ANKRD60: variants seen among roughly 807,000 people sequenced by gnomAD.
The protein encoded by ANKRD60 is ankyrin repeat domain-containing protein 60.
ANKRD60 carries 24 observed loss-of-function variants against 21.3 expected under a neutral mutation model. The observed-to-expected ratio is 1.13, with a 90% CI of 0.82 to 1.59. The LOEUF (loss-of-function observed/expected upper bound fraction) is 1.59, where lower values mean the gene tolerates loss of function less well. ANKRD60 is among the 40% of genes most tolerant of loss of function. ANKRD60 has a pLI of 0.00. For missense variants in ANKRD60, 490 were observed against 466.7 expected, an observed-to-expected ratio of 1.05 and a Z score of -0.46; for synonymous variants, 182 against 199.4, an observed-to-expected ratio of 0.91 and a Z score of 0.74.
chr20:58,219,294 C>T lies in ANKRD60; in HGVS notation c.728-489G>A, dbSNP rs6128292. Among the ~76,000 whole-genome samples, 1,698 of 152,324 alleles carry T rather than the reference C, an allele frequency of 0.011. 129 individuals carry two copies. The East Asian group carries it at 0.21, about 19-fold the overall frequency. ...GGGAAAATCTTCCTTAGTTCTCCCA[C>T]CCCATGAAACCTCCTGTGTAAGCTC... On this transcript the variant is annotated intron_variant, in intron 3 of 3. Coordinates refer to ENST00000457363, the Ensembl canonical transcript of ANKRD60.
chr20:58,223,753 CT>C (rs1984310041), intron 1 of ANKRD60, among the ~76,000 whole-genome samples: 1 of 152,176 alleles, frequency 6.6e-6, no homozygotes, highest in African/African-American at 2.4e-5. Flanking sequence ...GTGTTCACAG[CT>C]TCCCGGCCTC....
Position 58,228,121 on chromosome 20 carries a change from T to A in ANKRD60, c.430+103A>T. 8.3e-7 allele frequency: 1 copy of A among 1,208,426 alleles called. No homozygotes were observed. Among genetic ancestry groups the A allele is most frequent in the Non-Finnish European group, 1.1e-6 (1 of 876,936 alleles). The allele number at this position is 1,208,426 out of a possible 1,614,324, so 74.9% of individuals were successfully genotyped here. ...TGGGTTTCAGGGGTTTGCTTTGACA[T>A]CTGGGGTTTCTCACGTAAGCAGGCT... is the stretch of plus-strand genomic sequence containing the variant. On this transcript the variant is annotated intron_variant, in intron 1 of 3. Transcript: ENST00000457363. The surrounding 1 kb of genome is among the most constrained non-coding windows in gnomAD (Gnocchi z 5.3).
At position 58,228,406 on chromosome 20, in the gene ANKRD60, G is replaced by C. The variant is rs1490521089; in HGVS notation, c.248C>G (p.Ala83Gly). The C allele has an allele frequency of 3.2e-6, 5 of 1,543,810 alleles. No individual in the cohort carries two copies. Among genetic ancestry groups the C allele is most frequent in the Non-Finnish European group, 4.4e-6 (5 of 1,146,334 alleles). ...AGGGGCCAAGTCGGGCAAGGCACTC[G>C]CGGCCTTCGGGTCACAGACGAGCCG... The change falls in exon 1 of 4, where the codon GCG becomes GGG. Residue 83 changes from alanine to glycine, a missense_variant. Coordinates refer to ENST00000457363, the Ensembl canonical transcript of ANKRD60. This position sits in a 1 kb window ranked among gnomAD's most constrained non-coding sequence, Gnocchi z 5.3.
Position 58,228,263 on chromosome 20 carries a change from T to C in ANKRD60, c.391A>G (p.Ile131Val). ...TGGAGCCGCTGGAGGTTGAAGGGGA[T>C]GCCGACCATCAGGTCCAGCTCCTCT... Residue 131 changes from isoleucine to valine, a missense_variant, in exon 1 of 4, where the codon ATC (isoleucine) becomes GTC (valine). Ile to Val is a conservative substitution (Grantham distance 29, BLOSUM62 3). Transcript: ENST00000457363. The surrounding 1 kb of genome is among the most constrained non-coding windows in gnomAD (Gnocchi z 5.3). 1 of 1,551,160 alleles carries C rather than the reference T, an allele frequency of 6.4e-7. No homozygotes were observed. Among genetic ancestry groups the C allele is most frequent in the Admixed American group, 2.0e-5 (1 of 50,934 alleles).
At chr20:58,219,005 T>C (rs1250272053) in intron 3 of ANKRD60, among the ~76,000 whole-genome samples, 200 bp from the exon 4 acceptor site, 1 of 152,148 alleles carries the variant, frequency 6.6e-6, no homozygotes, top group Non-Finnish European at 1.5e-5. Flanking sequence ...CTCAGATCCA[T>C]CACTGCCATC....
intron 3 of ANKRD60, among the ~76,000 whole-genome samples, chr20:58,219,025 G>A (rs972832288): frequency 2.6e-5 from 4 of 152,094 alleles, no homozygotes; most frequent in African/African-American, 9.7e-5. Flanking sequence ...CCCACCGGCT[G>A]TGGGGTGATG....
intron 2 of ANKRD60, among the ~76,000 whole-genome samples, chr20:58,222,760 C>G (rs983259225): frequency 1.4e-4 from 21 of 152,188 alleles, no homozygotes; most frequent in African/African-American, 5.1e-4. Flanking sequence ...AGATTTCCAA[C>G]CTTATCACTT....
At chr20:58,227,926 G>T (rs1246331068) in intron 1 of ANKRD60, among the ~76,000 whole-genome samples, 1 of 152,170 alleles carries the variant, frequency 6.6e-6, no homozygotes, top group East Asian at 1.9e-4. Context: ...TTTGCTCAGG[G>T]TTGGCAGATG....
chr20:58,220,683 AGTGTGTGTGTGTGTGTGTGTGTGT>A (rs36015489), intron 3 of ANKRD60, among the ~76,000 whole-genome samples: 3 of 148,406 alleles, frequency 2.0e-5, no homozygotes, highest in Non-Finnish European at 4.4e-5. Context: ...GGTTTTTTCT[AGTGTGTGTGTGTGTGTGTGTGTGT>A]GTGTGTGTGT....
Position 58,228,127 on chromosome 20 carries a change from G to T in ANKRD60, c.430+97C>A. The T allele has an allele frequency of 8.0e-7, 1 of 1,251,524 alleles. No homozygotes were observed. The highest frequency in any genetic ancestry group is 1.6e-5 in the South Asian group (1 of 64,080). The allele number at this position is 1,251,524 out of a possible 1,614,324, so 77.5% of individuals were successfully genotyped here. ...TCAGGGGTTTGCTTTGACATCTGGG[G>T]TTTCTCACGTAAGCAGGCTTCCCTT... On this transcript the variant is annotated intron_variant, in intron 1 of 3. Coordinates refer to ENST00000457363, the Ensembl canonical transcript of ANKRD60. The surrounding 1 kb of genome is among the most constrained non-coding windows in gnomAD (Gnocchi z 5.3).
chr20:58,222,619 C>A (rs544923468), intron 2 of ANKRD60, among the ~76,000 whole-genome samples: 1 of 152,318 alleles, frequency 6.6e-6, no homozygotes, highest in African/African-American at 2.4e-5. Flanking sequence ...AGAGCGCCCG[C>A]CGCTCACCCC....
downstream of ANKRD60, among the ~76,000 whole-genome samples, chr20:58,217,378 G>A (rs560361823): frequency 2.0e-4 from 31 of 151,956 alleles, no homozygotes; most frequent in East Asian, 4.5e-3. Context: ...GCAGTGAGCC[G>A]AGATGGCACC....
At chr20:58,221,562 C>A in intron 2 of ANKRD60, 59 bp from the exon 3 acceptor site, 1 of 1,522,478 alleles carries the variant, frequency 6.6e-7, no homozygotes, top group Admixed American at 2.0e-5. Flanking sequence ...TTTTGCTGGA[C>A]GGCTGATGGG....
exon 3 of ANKRD60, chr20:58,221,351 G>A: frequency 6.4e-7 from 1 of 1,552,276 alleles, no homozygotes; most frequent in African/African-American, 1.4e-5. Flanking sequence ...GTTCTAGAAG[G>A]TACTGCACAG....
chr20:58,223,005 G>C, intron 2 of ANKRD60, 47 bp downstream of exon 2: 3 of 1,506,316 alleles, frequency 2.0e-6, no homozygotes, highest in Non-Finnish European at 2.7e-6. Context: ...CACAATTTAC[G>C]GTTGCTTCGT....
chr20:58,219,878 G>A (rs1209470267), intron 3 of ANKRD60, among the ~76,000 whole-genome samples: 1 of 152,148 alleles, frequency 6.6e-6, no homozygotes, highest in Non-Finnish European at 1.5e-5. Context: ...GACTTTTTAT[G>A]AGCTTAAAGG....
exon 4 of ANKRD60, chr20:58,218,635 G>A (rs1312069250): frequency 6.4e-7 from 1 of 1,551,812 alleles, no homozygotes; most frequent in African/African-American, 1.4e-5. Context: ...CTCTCGCTCA[G>A]TGTGTGGTTC....
chr20:58,227,146 C>T (rs573010074), intron 1 of ANKRD60, among the ~76,000 whole-genome samples: 191 of 152,216 alleles, frequency 1.3e-3, no homozygotes, highest in Non-Finnish European at 9.4e-4. Flanking sequence ...CTAATAGTCA[C>T]ATAATTAGTC....
At chr20:58,219,475 T>G (rs1984200792) in intron 3 of ANKRD60, among the ~76,000 whole-genome samples, 1 of 152,186 alleles carries the variant, frequency 6.6e-6, no homozygotes, top group Admixed American at 6.5e-5. Context: ...GCTCAGTGCC[T>G]GCAGAAGACA....
Sources: gnomAD v4.1 joint callset for allele counts (sites outside exome capture counted in the v4.1 genomes callset) on GRCh38, gnomAD v4.1.1 for gene constraint, Gnocchi (gnomAD v3.1) non-coding constraint, MANE v1.5 for transcripts, NCBI Gene and HGNC (gene_info 2026-07-23, HGNC 2026-07-21) for gene names.